KDM4C: variants seen among roughly 807,000 people sequenced by gnomAD.
KDM4C encodes lysine-specific demethylase 4C.
Under a neutral mutation model 129.3 loss-of-function variants are expected in KDM4C, and 81 were observed. The observed-to-expected ratio is 0.63, with a 90% confidence interval of 0.52 to 0.75. KDM4C has a LOEUF of 0.75. Ranked by LOEUF, KDM4C falls within the 30% of genes least tolerant of loss-of-function variation. KDM4C has a pLI of 0.00. For synonymous variants in KDM4C, 573 were observed against 456.1 expected (o/e 1.26, Z -3.26); for missense variants, 1,457 against 1,304.0 (o/e 1.12, Z -1.81).
At chr9:6,994,734 C>T (rs1819386731) in intron 12 of KDM4C, among the ~76,000 whole-genome samples, 1 of 152,138 alleles carries the variant, frequency 6.6e-6, no homozygotes, top group Non-Finnish European at 1.5e-5. Context: ...AATCCTTGTC[C>T]AGGAAATAGT....
intron 17 of KDM4C, among the ~76,000 whole-genome samples, chr9:7,074,090 T>G (rs1833580688): frequency 1.3e-5 from 2 of 152,194 alleles, no homozygotes; most frequent in Non-Finnish European, 2.9e-5. Context: ...GTAGTGCATC[T>G]TACTTTATAG....
intron 4 of KDM4C, among the ~76,000 whole-genome samples, chr9:6,832,450 G>A (rs1283905318): frequency 7.1e-6 from 1 of 141,584 alleles, no homozygotes; most frequent in Non-Finnish European, 1.5e-5. Flanking sequence ...TTTTGAGGTG[G>A]AGTCTCGCTC....
chr9:6,834,936 A>G, intron 4 of KDM4C: 1 of 1,115,690 alleles, frequency 9.0e-7, no homozygotes, highest in Non-Finnish European at 1.4e-6. Flanking sequence ...GGGGTCACCC[A>G]CAGTGTGCCC....
At chr9:7,105,020 T>A (rs931259780) in intron 18 of KDM4C, among the ~76,000 whole-genome samples, 1 of 152,148 alleles carries the variant, frequency 6.6e-6, no homozygotes, top group Non-Finnish European at 1.5e-5. Flanking sequence ...TATTTTTTCA[T>A]TGTTTCAGGT....
chr9:6,952,411 G>GTA (rs61217461), intron 8 of KDM4C, among the ~76,000 whole-genome samples: 13,347 of 145,058 alleles, frequency 0.092, 614 homozygotes, highest in Non-Finnish European at 0.11. Flanking sequence ...GTGTATGTGT[G>GTA]TATATATATA....
chr9:7,011,077 C>T (rs1177290529), intron 12 of KDM4C, among the ~76,000 whole-genome samples: 4 of 152,008 alleles, frequency 2.6e-5, no homozygotes, highest in African/African-American at 9.7e-5. Context: ...AAGAAATATA[C>T]ATTTTAAAGA....
intron 8 of KDM4C, among the ~76,000 whole-genome samples, chr9:6,976,516 C>T (rs1030518601): frequency 6.6e-6 from 1 of 152,102 alleles, no homozygotes; most frequent in Non-Finnish European, 1.5e-5. Flanking sequence ...GAACATTTTG[C>T]ATTTTAAAGT....
At chr9:7,151,817 A>G (rs1842756857) in intron 19 of KDM4C, among the ~76,000 whole-genome samples, 1 of 152,252 alleles carries the variant, frequency 6.6e-6, no homozygotes, top group Non-Finnish European at 1.5e-5. Context: ...TAGAACCAGC[A>G]CAGAACACGC....
intron 17 of KDM4C, among the ~76,000 whole-genome samples, chr9:7,068,713 T>TTTG (rs1832787247): frequency 2.2e-5 from 2 of 90,662 alleles, no homozygotes; most frequent in Middle Eastern, 4.6e-3. Flanking sequence ...TTTTTTTTTT[T>TTTG]GAAACAGAAT....
chr9:6,737,088 A>C, intron 1 of KDM4C, among the ~76,000 whole-genome samples: 1 of 149,844 alleles, frequency 6.7e-6, no homozygotes, highest in African/African-American at 2.5e-5. Context: ...TTTCAGTCCC[A>C]CTGGACTAGC....
intron 5 of KDM4C, among the ~76,000 whole-genome samples, chr9:6,877,505 A>G (rs982906894): frequency 7.9e-5 from 12 of 152,194 alleles, no homozygotes; most frequent in African/African-American, 2.7e-4. Context: ...TGGCCTAACA[A>G]GATTATTTTT....
chr9:7,020,439 C>G (rs1032838507), intron 15 of KDM4C, among the ~76,000 whole-genome samples: 2 of 152,102 alleles, frequency 1.3e-5, no homozygotes, highest in African/African-American at 4.8e-5. Context: ...TATAAATCAG[C>G]TTTATTATTT....
intron 8 of KDM4C, among the ~76,000 whole-genome samples, chr9:6,955,310 C>G (rs908922493): frequency 5.8e-4 from 89 of 152,252 alleles, no homozygotes; most frequent in African/African-American, 2.1e-3. Flanking sequence ...GATGAAATGC[C>G]CAATGCACAG....
intron 4 of KDM4C, among the ~76,000 whole-genome samples, chr9:6,839,605 A>G (rs1836541629): frequency 6.6e-6 from 1 of 151,998 alleles, no homozygotes. Flanking sequence ...GTGTTTTTAC[A>G]CTTAAAAATT....
chr9:7,159,440 A>T (rs1400241410), intron 19 of KDM4C, among the ~76,000 whole-genome samples: 1 of 152,054 alleles, frequency 6.6e-6, no homozygotes, highest in Admixed American at 6.5e-5. Flanking sequence ...TGGTCTTTAC[A>T]ATTTCTCATG....
chr9:7,002,571 C>T (rs948199645), intron 12 of KDM4C, among the ~76,000 whole-genome samples: 1 of 152,188 alleles, frequency 6.6e-6, no homozygotes, highest in East Asian at 1.9e-4. Context: ...TATGTTCCTT[C>T]TGGTGCCATG....
At chr9:7,014,741 A>G (rs372538785) in intron 14 of KDM4C, among the ~76,000 whole-genome samples, 2 of 152,236 alleles carry the variant, frequency 1.3e-5, no homozygotes, top group East Asian at 3.9e-4. Flanking sequence ...TAATATAGAT[A>G]TTATCTTCTG....
rs1239969041 is a variant in KDM4C, at chr9:6,863,817, G to C, written c.629+14117G>C. ...TCAAAAAAAAAAAAAAAAAAAGAGA[G>C]AGAGAAGGAAGGGAGGGCCAGGCTC... On this transcript the variant is annotated intron_variant, in intron 5 of 21. Transcript: ENST00000381309. 2.0e-5 allele frequency among the ~76,000 whole-genome samples: 3 copies of C among 146,594 alleles called. No individual in the cohort carries two copies. The East Asian group carries it at 6.0e-4, about 29-fold the overall frequency.
intron 8 of KDM4C, among the ~76,000 whole-genome samples, chr9:6,927,089 T>TTCTTTCTATCTATCTATCTA (rs147161681): frequency 1.5e-3 from 212 of 145,200 alleles, no homozygotes; most frequent in Middle Eastern, 7.0e-3. Flanking sequence ...AAAAAAAATT[T>TTCTTTCTATCTATCTATCTA]TCTATCTATC....
Sources: allele counts gnomAD v4.1 joint callset (sites outside exome capture counted in the v4.1 genomes callset), GRCh38; gene constraint gnomAD v4.1.1; transcripts MANE v1.5; gene names NCBI Gene and HGNC (gene_info 2026-07-23, HGNC 2026-07-21).